The following STIMATE variants were observed in gnomAD, a reference collection of about 807,000 sequenced individuals.
The protein encoded by STIMATE is store-operated calcium entry regulator STIMATE.
A neutral mutation model predicts 36.7 loss-of-function variants in STIMATE; 15 were observed. The observed-to-expected ratio is 0.41, with a 90% confidence interval of 0.27 to 0.63. The LOEUF is 0.63. Ranked by LOEUF, STIMATE falls within the 20% of genes least tolerant of loss-of-function variation. STIMATE has a pLI of 0.32. For missense variants in STIMATE, 305 were observed against 397.3 expected (o/e 0.77, Z 1.98); for synonymous variants, 163 against 162.3 (o/e 1.00, Z -0.03).
intron 2 of STIMATE, 55 bp downstream of exon 2, chr3:52,855,341 A>G: frequency 6.3e-7 from 1 of 1,589,568 alleles, no homozygotes; most frequent in Non-Finnish European, 8.6e-7. Context: ...CCCAGCCCCA[A>G]GACCCCCAAC....
At chr3:52,893,489 C>T (rs1328966735) in intron 1 of STIMATE, among the ~76,000 whole-genome samples, 3 of 152,032 alleles carry the variant, frequency 2.0e-5, no homozygotes, top group African/African-American at 7.2e-5. Flanking sequence ...CTACGTTTGA[C>T]ATTTTTAGAG....
chr3:52,877,321 T>C (rs1483669986), intron 1 of STIMATE, among the ~76,000 whole-genome samples: 1 of 152,244 alleles, frequency 6.6e-6, no homozygotes, highest in Non-Finnish European at 1.5e-5. Flanking sequence ...CTTGTGCTCT[T>C]GGGCTGTCAT....
rs1235589521 is a variant in STIMATE, at chr3:52,852,712, A to G, written c.210-14T>C. On this transcript the variant is annotated splice_polypyrimidine_tract_variant and intron_variant, in intron 2 of 7. Coordinates refer to ENST00000355083, the MANE Select transcript of STIMATE (RefSeq NM_198563.5). Reference sequence around the variant, plus strand: ...GTGTCTAAAAACCTGTACAAAATAAACCAGCACTGGTTATTAGCCTGACAG... The same window carrying G: ...GTGTCTAAAAACCTGTACAAAATAAGCCAGCACTGGTTATTAGCCTGACAG... 6.2e-7 allele frequency: 1 copy of G among 1,613,052 alleles called. No individual in the cohort carries two copies. The highest frequency in any genetic ancestry group is 1.3e-5 in the African/African-American group (1 of 74,894).
rs868525852 is a variant in STIMATE, at chr3:52,880,701, C to T, written c.160+16590G>A. ...TTACAAAGGAGGTACTGAAACAAAG[C>T]CACACAACTGAGAAGACCAAAAATG... On this transcript the variant is annotated intron_variant, in intron 1 of 7. Coordinates refer to ENST00000355083, the MANE Select transcript of STIMATE (RefSeq NM_198563.5). Among the ~76,000 whole-genome samples, 45 of 152,278 alleles carry T rather than the reference C, an allele frequency of 3.0e-4. 1 individual carries two copies. Among genetic ancestry groups the T allele is most frequent in the African/African-American group, 8.9e-4 (37 of 41,548 alleles).
intron 1 of STIMATE, among the ~76,000 whole-genome samples, chr3:52,895,013 CA>C (rs1490794955): frequency 6.6e-6 from 1 of 152,260 alleles, no homozygotes; most frequent in African/African-American, 2.4e-5. Context: ...GGACCCTCGT[CA>C]GGGGAGCCTG....
At chr3:52,870,534 C>A (rs13089851) in intron 1 of STIMATE, among the ~76,000 whole-genome samples, 6,529 of 151,952 alleles carry the variant, frequency 0.043, 254 homozygotes, top group Non-Finnish European at 0.06. Flanking sequence ...CCTGGGCCCA[C>A]AGGAGAGAAA....
chr3:52,838,423 G>A lies in STIMATE; in HGVS notation c.*2071C>T, dbSNP rs548271444. The A allele has an allele frequency of 6.6e-6, 1 of 152,342 alleles. No homozygotes were observed. Among genetic ancestry groups the A allele is most frequent in the South Asian group, 2.1e-4 (1 of 4,822 alleles). 9.4% of individuals were successfully genotyped at this position (152,342 alleles called of 1,614,324 possible). A position where few individuals can be genotyped will look rare whatever the true frequency, so the allele number is the denominator to read the frequency against. ...TTGTTCAAACCAAAATGAAACAGGA[G>A]GGGAGGAATTAGAACTGAGTCAGTG... On this transcript the variant is annotated 3_prime_UTR_variant, in exon 8 of 8. Coordinates refer to ENST00000355083, the MANE Select transcript of STIMATE (RefSeq NM_198563.5).
rs1292112035 is a variant in STIMATE at position 52,852,688 on chromosome 3, T to C, written c.220A>G (p.Thr74Ala). 6.2e-7 allele frequency: 1 copy of C among 1,614,068 alleles called. No homozygotes were observed. The highest frequency in any genetic ancestry group is 1.7e-5 in the Admixed American group (1 of 60,026). ...AGCATTCCTATGGCTTGTTTGGAAG[T>C]GTCTAAAAACCTGTACAAAATAAAC... ...RRPWRIWFLD[T>A]SKQAIGMLFI... The change falls in exon 3 of 8, where the codon ACT becomes GCT. Residue 74 changes from threonine to alanine, a missense_variant. Coordinates refer to ENST00000355083, the MANE Select transcript of STIMATE (RefSeq NM_198563.5).
chr3:52,853,006 T>C (rs1701034631), intron 2 of STIMATE, among the ~76,000 whole-genome samples: 1 of 152,220 alleles, frequency 6.6e-6, no homozygotes, highest in Admixed American at 6.5e-5. Context: ...GTGCCTCTAT[T>C]TTAAAGAGCT....
rs559068851 is a variant in STIMATE, at chr3:52,889,272, C to A, written c.160+8019G>T. On this transcript the variant is annotated intron_variant, in intron 1 of 7. Coordinates refer to ENST00000355083, the MANE Select transcript of STIMATE (RefSeq NM_198563.5). ...GAGATGTTCTATAGCAAAGCCCAAC[C>A]CCTCCAAAGCCTGCAACCATGCTCA... Among the ~76,000 whole-genome samples the A allele has an allele frequency of 3.9e-5, 6 of 152,272 alleles. No individual in the cohort carries two copies. The South Asian group carries it at 8.3e-4, about 21-fold the overall frequency.
chr3:52,855,333 CAG>C, intron 2 of STIMATE, 61 bp downstream of exon 2: 70 of 1,573,348 alleles, frequency 4.4e-5, no homozygotes, highest in Middle Eastern at 1.7e-4. Flanking sequence ...ACCCCACCCC[CAG>C]CCCCAAGACC....
At chr3:52,895,011 G>A (rs1701843311) in intron 1 of STIMATE, among the ~76,000 whole-genome samples, 3 of 152,346 alleles carry the variant, frequency 2.0e-5, no homozygotes, top group South Asian at 2.1e-4. Flanking sequence ...GGGGACCCTC[G>A]TCAGGGGAGC....
intron 1 of STIMATE, among the ~76,000 whole-genome samples, chr3:52,894,529 G>T (rs1191344060): frequency 6.6e-6 from 1 of 152,022 alleles, no homozygotes; most frequent in Non-Finnish European, 1.5e-5. Context: ...TCTTCCTTCA[G>T]GACAAACCTC....
chr3:52,843,158 G>C (rs1462221665), intron 6 of STIMATE, 198 bp from the exon 7 acceptor site: 1 of 1,074,928 alleles, frequency 9.3e-7, no homozygotes, highest in African/African-American at 1.6e-5. Flanking sequence ...TCAGTTTTCT[G>C]ATCAGAGTGT....
Position 52,840,418 on chromosome 3 carries a change from G to A in STIMATE, c.*76C>T. 6.7e-7 allele frequency: 1 copy of A among 1,495,380 alleles called. No individual in the cohort carries two copies. Among genetic ancestry groups the A allele is most frequent in the Non-Finnish European group, 9.2e-7 (1 of 1,089,174 alleles). 92.6% of individuals were successfully genotyped at this position (1,495,380 alleles called of 1,614,324 possible). A position where few individuals can be genotyped will look rare whatever the true frequency, so the allele number is the denominator to read the frequency against. Reference sequence around the variant, plus strand: ...GAAAGGAAGGGCAGAGAGAGGGTAAGGAACGATGCTGCGGGATGACCTCTG... The same window carrying A: ...GAAAGGAAGGGCAGAGAGAGGGTAAAGAACGATGCTGCGGGATGACCTCTG... On this transcript the variant is annotated 3_prime_UTR_variant, in exon 8 of 8. Transcript: ENST00000355083.
chr3:52,850,104 T>C (rs1363721392), intron 3 of STIMATE, among the ~76,000 whole-genome samples, 191 bp from the exon 4 acceptor site: 4 of 152,152 alleles, frequency 2.6e-5, no homozygotes, highest in African/African-American at 9.7e-5. Context: ...TGCGACCACC[T>C]GAGGGAGGTG....
chr3:52,890,051 T>C (rs1701757069), intron 1 of STIMATE, among the ~76,000 whole-genome samples: 1 of 152,180 alleles, frequency 6.6e-6, no homozygotes, highest in Non-Finnish European at 1.5e-5. Context: ...TCGAGAGCCC[T>C]TAGCCTGGTG....
chr3:52,844,683 T>G, intron 5 of STIMATE, 146 bp downstream of exon 5: 1 of 749,552 alleles, frequency 1.3e-6, no homozygotes, highest in Non-Finnish European at 2.1e-6. Context: ...CTCTTTGGAG[T>G]AGTTGCCACA....
At chr3:52,876,981 A>G (rs1191655849) in intron 1 of STIMATE, among the ~76,000 whole-genome samples, 2 of 152,188 alleles carry the variant, frequency 1.3e-5, no homozygotes, top group African/African-American at 4.8e-5. Context: ...TACATTTATA[A>G]TATATACATA....
Sources: gnomAD v4.1 joint callset for allele counts (sites outside exome capture counted in the v4.1 genomes callset) on GRCh38, gnomAD v4.1.1 for gene constraint, MANE v1.5 for transcripts, NCBI Gene and HGNC (gene_info 2026-07-23, HGNC 2026-07-21) for gene names.